Variants in CDK5RAP1 observed in about 807,000 individuals in gnomAD.
CDK5RAP1 encodes the protein mitochondrial tRNA methylthiotransferase CDK5RAP1.
Under a neutral mutation model 64.5 loss-of-function variants are expected in CDK5RAP1, and 62 were observed. That is an observed-to-expected ratio of 0.96 (90% confidence interval 0.78 to 1.19). CDK5RAP1 has a LOEUF of 1.19. Ranked by LOEUF, CDK5RAP1 falls within the 50% of genes most tolerant of loss-of-function variation. CDK5RAP1 has a pLI of 0.00. For missense variants in CDK5RAP1, 657 were observed against 735.0 expected (o/e 0.89, Z 1.23); for synonymous variants, 250 against 261.9 (o/e 0.95, Z 0.44).
At chr20:33,389,386 G>C (rs879296784) in intron 5 of CDK5RAP1, among the ~76,000 whole-genome samples, 6 of 150,696 alleles carry the variant, frequency 4.0e-5, no homozygotes, top group Non-Finnish European at 5.9e-5. Flanking sequence ...CCCTCCGCGC[G>C]GCAGCCGCCC....
chr20:33,395,037 G>A lies in CDK5RAP1; in HGVS notation c.384C>T (p.Tyr128=), dbSNP rs547985187. The change falls in exon 3 of 14, where the codon TAC becomes TAT. Residue 128 remains tyrosine (Y), a synonymous_variant. Transcript: ENST00000346416. The part of the protein sequence containing the change: ...IAWSILQKSG[Y]LRTSNLQEAD... ...CCTCTTGGAGGTTACTGGTCCGCAG[G>A]TAGCCACTCTTCTGTAAGATGGACC... 9 of 1,609,434 alleles carry A rather than the reference G, an allele frequency of 5.6e-6. No individual in the cohort carries two copies. The highest frequency in any genetic ancestry group is 1.6e-4 in the Middle Eastern group (1 of 6,078).
At chr20:33,393,930 G>A (rs1988613078) in intron 4 of CDK5RAP1, 102 bp downstream of exon 4, 1 of 827,662 alleles carries the variant, frequency 1.2e-6, no homozygotes, top group Admixed American at 1.8e-5. Flanking sequence ...CTACTGCCAT[G>A]GGGCCACTGG....
intron 12 of CDK5RAP1, among the ~76,000 whole-genome samples, chr20:33,365,597 TAAAAAAAAA>T (rs11471267): frequency 2.6e-5 from 2 of 78,342 alleles, no homozygotes; most frequent in African/African-American, 9.8e-5. Flanking sequence ...CTCTATAATG[TAAAAAAAAA>T]AAAAAAAAAA....
chr20:33,369,687 G>C (rs1206937947), intron 11 of CDK5RAP1, among the ~76,000 whole-genome samples: 1 of 152,168 alleles, frequency 6.6e-6, no homozygotes, highest in Non-Finnish European at 1.5e-5. Flanking sequence ...AGAGCGTGGT[G>C]AAAGGACTGC....
chr20:33,395,666 G>A (rs1022799875), intron 2 of CDK5RAP1, among the ~76,000 whole-genome samples: 4 of 152,240 alleles, frequency 2.6e-5, no homozygotes, highest in African/African-American at 9.6e-5. Context: ...CTTTTAAATG[G>A]GGAAAACATG....
chr20:33,384,885 G>C (rs1052908042), intron 7 of CDK5RAP1, among the ~76,000 whole-genome samples: 1 of 152,174 alleles, frequency 6.6e-6, no homozygotes, highest in Non-Finnish European at 1.5e-5. Context: ...TTGGGTGACA[G>C]AGTGAAAGCC....
At chr20:33,400,106 G>C (rs1323010293) in intron 1 of CDK5RAP1, among the ~76,000 whole-genome samples, 2 of 152,220 alleles carry the variant, frequency 1.3e-5, no homozygotes, top group Non-Finnish European at 2.9e-5. Flanking sequence ...GTTCACAATA[G>C]GGTTTGTGTT....
chr20:33,362,521 C>A (rs1319700648), intron 12 of CDK5RAP1, among the ~76,000 whole-genome samples: 1 of 152,144 alleles, frequency 6.6e-6, no homozygotes, highest in Non-Finnish European at 1.5e-5. Flanking sequence ...CAAAACGATG[C>A]CCAGTGGAAA....
At chr20:33,365,299 T>C (rs1983706256) in intron 12 of CDK5RAP1, among the ~76,000 whole-genome samples, 1 of 151,646 alleles carries the variant, frequency 6.6e-6, no homozygotes, top group South Asian at 2.1e-4. Context: ...TGAAACAGAG[T>C]CTCACTCTGT....
intron 8 of CDK5RAP1, among the ~76,000 whole-genome samples, chr20:33,377,323 T>C (rs560233251): frequency 1.3e-3 from 205 of 152,344 alleles, no homozygotes; most frequent in Non-Finnish European, 2.1e-3. Flanking sequence ...TGTTGTTTAG[T>C]AGAACCACCT....
intron 12 of CDK5RAP1, among the ~76,000 whole-genome samples, chr20:33,366,446 TA>T (rs36066304): frequency 2.7e-5 from 4 of 149,912 alleles, no homozygotes; most frequent in Non-Finnish European, 5.9e-5. Flanking sequence ...CCGTCTCTAC[TA>T]AAAAAAATAC....
intron 12 of CDK5RAP1, among the ~76,000 whole-genome samples, chr20:33,361,345 G>A (rs917060331): frequency 6.6e-6 from 1 of 152,208 alleles, no homozygotes; most frequent in Non-Finnish European, 1.5e-5. Flanking sequence ...AGAGAAGGGA[G>A]CAAAGCGGAA....
Position 33,385,745 on chromosome 20 carries a change from T to G in CDK5RAP1, c.781A>C (p.Met261Leu), listed in dbSNP as rs748553661. 1.9e-6 allele frequency: 3 copies of G among 1,613,544 alleles called. No homozygotes were observed. In the African/African-American group the frequency reaches 4.0e-5, roughly 22 times the overall value. The change falls in exon 7 of 14, where the codon ATG becomes CTG. Residue 261 changes from methionine (M) to leucine (L), a missense_variant. Transcript: ENST00000346416. ...FVSIMRGCDN[M>L]CSYCIVPFTR... Reference sequence around the variant, plus strand: ...AAAGGAACAATGCAGTAGCTACACATGTTGTCACAGCCTCGCATGATTGAC... The same window carrying G: ...AAAGGAACAATGCAGTAGCTACACAGGTTGTCACAGCCTCGCATGATTGAC...
At position 33,393,208 on chromosome 20, in the gene CDK5RAP1, T is replaced by C. The variant is rs556008641; in HGVS notation, c.443+824A>G. ...TTTATCTTTTATTTTTCTTTGTAGA[T>C]ACAGGGCTTTACTTTGTGCCCAGGC... On this transcript the variant is annotated intron_variant, in intron 4 of 13. Transcript: ENST00000346416. Among the ~76,000 whole-genome samples the C allele has an allele frequency of 1.1e-4, 17 of 152,148 alleles. No individual in the cohort carries two copies. The South Asian group carries it at 3.1e-3, about 28-fold the overall frequency.
chr20:33,389,956 A>C (rs2146700751), intron 5 of CDK5RAP1, among the ~76,000 whole-genome samples: 1 of 145,884 alleles, frequency 6.9e-6, no homozygotes, highest in Admixed American at 6.8e-5. Flanking sequence ...TTTTTTTTAC[A>C]ACGGAGTATT....
intron 12 of CDK5RAP1, among the ~76,000 whole-genome samples, chr20:33,364,596 C>T (rs532399601): frequency 5.9e-5 from 9 of 151,510 alleles, no homozygotes; most frequent in Non-Finnish European, 1.0e-4. Flanking sequence ...TTGTTTGAGA[C>T]GGAGTTTCAC....
At chr20:33,393,001 T>C (rs1182511471) in intron 4 of CDK5RAP1, among the ~76,000 whole-genome samples, 2 of 151,942 alleles carry the variant, frequency 1.3e-5, no homozygotes, top group South Asian at 2.1e-4. Flanking sequence ...TGCCTCAGCC[T>C]CCTGAGTAGC....
intron 8 of CDK5RAP1, among the ~76,000 whole-genome samples, chr20:33,377,444 T>C (rs1285654185): frequency 6.6e-6 from 1 of 152,166 alleles, no homozygotes; most frequent in Non-Finnish European, 1.5e-5. Context: ...TCCTCAAACC[T>C]TGTAAGTCAA....
chr20:33,393,733 G>T (rs570965541), intron 4 of CDK5RAP1, among the ~76,000 whole-genome samples: 1 of 152,292 alleles, frequency 6.6e-6, no homozygotes, highest in African/African-American at 2.4e-5. Flanking sequence ...AGCTCAGGAA[G>T]AGCTGAGTGG....
Sources: allele counts gnomAD v4.1 joint callset (sites outside exome capture counted in the v4.1 genomes callset), GRCh38; gene constraint gnomAD v4.1.1; transcripts MANE v1.5; gene names NCBI Gene and HGNC (gene_info 2026-07-23, HGNC 2026-07-21).